SHTN1: variants seen among roughly 807,000 people sequenced by gnomAD.
SHTN1 encodes shootin-1.
A neutral mutation model predicts 83.1 loss-of-function variants in SHTN1; 42 were observed. The ratio of observed to expected loss-of-function variants is 0.51; its 90% CI spans 0.39 to 0.65. The LOEUF (loss-of-function observed/expected upper bound fraction) is 0.65, where lower values mean the gene tolerates loss of function less well. SHTN1 is among the 30% of genes least tolerant of loss of function. The pLI, the probability that SHTN1 is intolerant of heterozygous loss-of-function variation, is 0.00. For missense variants in SHTN1, 622 were observed against 737.8 expected, an observed-to-expected ratio of 0.84 and a Z score of 1.82; for synonymous variants, 224 against 247.7, an observed-to-expected ratio of 0.90 and a Z score of 0.90.
Position 117,050,889 on chromosome 10 carries a change from C to T in SHTN1, c.-188-2379G>A, listed in dbSNP as rs1385118342. 2.4e-4 allele frequency among the ~76,000 whole-genome samples: 36 copies of T among 151,764 alleles called. 1 individual carries two copies. Among genetic ancestry groups the T allele is most frequent in the Admixed American group, 2.3e-3 (35 of 15,216 alleles). Reference sequence around the variant, plus strand: ...GCAATATAGTAAGACTTCGTCTCTACAAAAAAATAAAAATAAAAATTAGCT... The same window carrying T: ...GCAATATAGTAAGACTTCGTCTCTATAAAAAAATAAAAATAAAAATTAGCT... On this transcript the variant is annotated intron_variant, in intron 1 of 17. Coordinates refer to the SHTN1 transcript ENST00000392901.
intron 1 of SHTN1, among the ~76,000 whole-genome samples, chr10:117,065,834 AAGGAAGGAAGGAAGGAAGGAAAGGAG>A (rs1564947419): frequency 1.6e-4 from 12 of 73,060 alleles, no homozygotes; most frequent in African/African-American, 6.4e-4. Context: ...GGAAGGAAGG[AAGGAAGGAAGGAAGGAAGGAAAGGAG>A]GGAGGGAGGG....
chr10:117,018,570 T>C (rs1229250855), intron 2 of SHTN1, among the ~76,000 whole-genome samples: 15 of 139,112 alleles, frequency 1.1e-4, no homozygotes, highest in Non-Finnish European at 1.8e-4. Flanking sequence ...CTCTCACCAT[T>C]TTTTTTTTTT....
At chr10:117,011,253 A>C (rs1852098644) in intron 2 of SHTN1, among the ~76,000 whole-genome samples, 1 of 152,174 alleles carries the variant, frequency 6.6e-6, no homozygotes, top group Admixed American at 6.5e-5. Context: ...TCTTTGGTCC[A>C]TTTTTAGTTA....
chr10:116,926,664 CCT>C (rs1848755583), intron 11 of SHTN1, among the ~76,000 whole-genome samples: 1 of 151,532 alleles, frequency 6.6e-6, no homozygotes, highest in African/African-American at 2.4e-5. Context: ...GAATAAATGG[CCT>C]CTCTGTGTGA....
chr10:116,956,194 C>G (rs1589841073), intron 4 of SHTN1, among the ~76,000 whole-genome samples: 1 of 152,182 alleles, frequency 6.6e-6, no homozygotes, highest in East Asian at 1.9e-4. Context: ...AACCTCAATG[C>G]TTAGGCGCTA....
At chr10:116,928,184 T>G (rs1281912626) in intron 10 of SHTN1, among the ~76,000 whole-genome samples, 1 of 152,194 alleles carries the variant, frequency 6.6e-6, no homozygotes, top group Non-Finnish European at 1.5e-5. Context: ...AGGAGTAGGC[T>G]GAAGAAATAT....
chr10:116,952,037 T>C (rs1232823526), intron 5 of SHTN1, 31 bp from the exon 6 acceptor site: 2 of 1,130,116 alleles, frequency 1.8e-6, no homozygotes, highest in Non-Finnish European at 1.2e-6. Context: ...AATATATAAA[T>C]AAACTTATTT....
At chr10:116,991,829 G>A (rs1018344388) in intron 1 of SHTN1, among the ~76,000 whole-genome samples, 5 of 151,972 alleles carry the variant, frequency 3.3e-5, no homozygotes, top group African/African-American at 1.2e-4. Flanking sequence ...CTATACATTC[G>A]AGGGGAAAAA....
At chr10:116,978,509 G>A (rs2133479444) in intron 2 of SHTN1, among the ~76,000 whole-genome samples, 1 of 151,834 alleles carries the variant, frequency 6.6e-6, no homozygotes, top group East Asian at 1.9e-4. Flanking sequence ...TAGGCAGTCT[G>A]CTTTCTTTCC....
intron 1 of SHTN1, among the ~76,000 whole-genome samples, chr10:117,082,680 T>C (rs1853288840): frequency 1.3e-5 from 2 of 150,082 alleles, no homozygotes; most frequent in African/African-American, 4.8e-5. Context: ...TAAGTCTCTT[T>C]GTAGGTCACT....
At chr10:116,899,267 T>C (rs1404322017) in intron 16 of SHTN1, among the ~76,000 whole-genome samples, 4 of 151,864 alleles carry the variant, frequency 2.6e-5, no homozygotes, top group East Asian at 1.9e-4. Flanking sequence ...TAGGGAGAAA[T>C]GACGTAGGAT....
At chr10:116,953,547 A>C (rs1849850551) in intron 5 of SHTN1, among the ~76,000 whole-genome samples, 1 of 152,082 alleles carries the variant, frequency 6.6e-6, no homozygotes, top group Non-Finnish European at 1.5e-5. Flanking sequence ...TACCCCATCC[A>C]AAATTCTGAT....
At chr10:117,103,879 G>C (rs1853636908) in intron 1 of SHTN1, among the ~76,000 whole-genome samples, 1 of 152,084 alleles carries the variant, frequency 6.6e-6, no homozygotes, top group South Asian at 2.1e-4. Context: ...TGGGGGTACA[G>C]GTGAATGTTA....
intron 2 of SHTN1, among the ~76,000 whole-genome samples, chr10:116,974,826 C>G (rs1195365799): frequency 6.7e-6 from 1 of 149,724 alleles, no homozygotes; most frequent in African/African-American, 2.5e-5. Flanking sequence ...ATGACGCTTT[C>G]CCCCCATATA....
At chr10:117,014,984 T>C (rs1189085775) in intron 2 of SHTN1, among the ~76,000 whole-genome samples, 2 of 152,214 alleles carry the variant, frequency 1.3e-5, no homozygotes, top group Non-Finnish European at 2.9e-5. Context: ...AATGGGAAAG[T>C]TGTAACAGCA....
intron 16 of SHTN1, among the ~76,000 whole-genome samples, chr10:116,893,079 C>T (rs2133306618): frequency 6.6e-6 from 1 of 152,286 alleles, no homozygotes; most frequent in Middle Eastern, 3.4e-3. Flanking sequence ...TACTCAACAG[C>T]AGTTTAACAG....
chr10:116,955,627 A>C (rs1849955363), intron 4 of SHTN1, among the ~76,000 whole-genome samples: 1 of 152,200 alleles, frequency 6.6e-6, no homozygotes, highest in African/African-American at 2.4e-5. Flanking sequence ...GGTTTCTCAT[A>C]GAGAAAGCCC....
chr10:117,113,004 A>C (rs1853789638), intron 1 of SHTN1, among the ~76,000 whole-genome samples: 1 of 152,046 alleles, frequency 6.6e-6, no homozygotes, highest in Non-Finnish European at 1.5e-5. Context: ...GTTTCTTATA[A>C]GTGTCATGAT....
rs112817780 is a variant in SHTN1 at position 117,021,885 on chromosome 10, C to T, written c.-123+26560G>A. On this transcript the variant is annotated intron_variant, in intron 2 of 17. Transcript: ENST00000392901. ...TAGGACTTAGCTAGGGAATAGGACC[C>T]GGTTATTTAATCACTTTATTGCTGT... Among the ~76,000 whole-genome samples, 639 of 152,200 alleles carry T rather than the reference C, an allele frequency of 4.2e-3. 1 individual carries two copies. The highest frequency in any genetic ancestry group is 6.8e-3 in the Middle Eastern group (2 of 294).
Sources: allele counts gnomAD v4.1 joint callset (sites outside exome capture counted in the v4.1 genomes callset), GRCh38; gene constraint gnomAD v4.1.1; transcripts MANE v1.5; gene names NCBI Gene and HGNC (gene_info 2026-07-23, HGNC 2026-07-21).